CSTPP1: variants seen among roughly 807,000 people sequenced by gnomAD.
CSTPP1 encodes the protein UPF0705 protein C11orf49.
chr11:47,002,308 T>C, the CSTPP1 span, among the ~76,000 whole-genome samples: 2 of 152,202 alleles, frequency 1.3e-5, no homozygotes, highest in Admixed American at 1.3e-4. Flanking sequence ...GGCTCTTTTC[T>C]GTATTACTAG....
chr11:47,082,554 G>A, the CSTPP1 span, among the ~76,000 whole-genome samples: 3 of 152,222 alleles, frequency 2.0e-5, no homozygotes, highest in East Asian at 5.8e-4. Flanking sequence ...ACTAGATTGA[G>A]ATATAATTTA....
the CSTPP1 span, among the ~76,000 whole-genome samples, chr11:47,090,005 G>C: frequency 6.6e-6 from 1 of 152,072 alleles, no homozygotes; most frequent in Admixed American, 6.6e-5. Context: ...TGTTTGAACG[G>C]AGTTTCGCTT....
At chr11:47,161,941 G>A in the CSTPP1 span, 3 of 1,128,882 alleles carry the variant, frequency 2.7e-6, no homozygotes, top group Non-Finnish European at 3.3e-6. Flanking sequence ...CCTCTTAAGA[G>A]CAGTCTCTTC....
chr11:46,947,872 C>T, the CSTPP1 span, among the ~76,000 whole-genome samples: 1 of 152,096 alleles, frequency 6.6e-6, no homozygotes, highest in Non-Finnish European at 1.5e-5. Flanking sequence ...GTCCCATTGG[C>T]CCAAAGTAAA....
At chr11:47,159,823 G>A in the CSTPP1 span, 1 of 404,836 alleles carries the variant, frequency 2.5e-6, no homozygotes, top group Non-Finnish European at 4.9e-6. Flanking sequence ...TGGCCAACAT[G>A]GAGAAACCCC....
the CSTPP1 span, among the ~76,000 whole-genome samples, chr11:46,980,822 G>T: frequency 6.6e-6 from 1 of 152,086 alleles, no homozygotes; most frequent in African/African-American, 2.4e-5. Context: ...AAATAAACAT[G>T]AAAATGTGCT....
chr11:47,044,280 C>G, the CSTPP1 span, among the ~76,000 whole-genome samples: 1 of 152,084 alleles, frequency 6.6e-6, no homozygotes. Context: ...AGCCACCGCT[C>G]CTGGACAGTT....
chr11:46,980,073 C>A, the CSTPP1 span, among the ~76,000 whole-genome samples: 1 of 151,808 alleles, frequency 6.6e-6, no homozygotes, highest in African/African-American at 2.4e-5. Flanking sequence ...AACAAACAAA[C>A]AAACAAAAAA....
the CSTPP1 span, among the ~76,000 whole-genome samples, chr11:47,124,994 C>T: frequency 8.1e-4 from 124 of 152,260 alleles, no homozygotes; most frequent in African/African-American, 2.7e-3. Flanking sequence ...CTTTGAAAAA[C>T]AAAGCTGATG....
At chr11:46,941,692 G>A in the CSTPP1 span, among the ~76,000 whole-genome samples, 1 of 152,130 alleles carries the variant, frequency 6.6e-6, no homozygotes, top group Non-Finnish European at 1.5e-5. Flanking sequence ...CTACAGAATA[G>A]ATTAATAAAA....
At chr11:47,041,684 TG>T in the CSTPP1 span, 1 of 482,046 alleles carries the variant, frequency 2.1e-6, no homozygotes. Flanking sequence ...GCACCCTGGC[TG>T]GGGTCAATTT....
the CSTPP1 span, among the ~76,000 whole-genome samples, chr11:46,946,993 A>G: frequency 6.6e-6 from 1 of 152,234 alleles, no homozygotes; most frequent in African/African-American, 2.4e-5. Context: ...ATGTGAGAGA[A>G]ACTATGTTTT....
the CSTPP1 span, among the ~76,000 whole-genome samples, chr11:47,071,061 A>G: frequency 6.6e-6 from 1 of 151,700 alleles, no homozygotes. Flanking sequence ...GTAGATTCCC[A>G]TTTCCTCCTG....
the CSTPP1 span, among the ~76,000 whole-genome samples, chr11:47,039,516 C>G: frequency 7.9e-6 from 1 of 126,216 alleles, no homozygotes; most frequent in African/African-American, 2.5e-5. Flanking sequence ...CTGGTACTTT[C>G]TTATAGCCAC....
the CSTPP1 span, among the ~76,000 whole-genome samples, chr11:47,039,520 T>C: frequency 4.0e-5 from 5 of 126,164 alleles, 1 homozygote; most frequent in African/African-American, 1.2e-4. Flanking sequence ...TACTTTCTTA[T>C]AGCCACACGA....
chr11:47,082,589 A>G, the CSTPP1 span, among the ~76,000 whole-genome samples: 1,472 of 152,282 alleles, frequency 9.7e-3, 7 homozygotes, highest in Non-Finnish European at 0.016. Flanking sequence ...CACCTATTTA[A>G]AGTGTACAAT....
the CSTPP1 span, among the ~76,000 whole-genome samples, chr11:47,010,993 G>A: frequency 6.6e-6 from 1 of 152,128 alleles, no homozygotes; most frequent in Non-Finnish European, 1.5e-5. Flanking sequence ...CTGTTCAGTA[G>A]TTGCTTGAGT....
the CSTPP1 span, among the ~76,000 whole-genome samples, chr11:46,955,743 G>A: frequency 4.6e-5 from 7 of 151,472 alleles, no homozygotes; most frequent in Non-Finnish European, 7.4e-5. Context: ...TGCAATCCTA[G>A]TACCCTGGGA....
the CSTPP1 span, among the ~76,000 whole-genome samples, chr11:46,989,537 G>A: frequency 5.9e-3 from 904 of 152,312 alleles, 11 homozygotes; most frequent in African/African-American, 0.021. Flanking sequence ...CAGGCCTCAA[G>A]TAATCCTCTC....
Sources: allele counts gnomAD v4.1 joint callset (sites outside exome capture counted in the v4.1 genomes callset), GRCh38; gene constraint gnomAD v4.1.1; transcripts MANE v1.5; gene names NCBI Gene and HGNC (gene_info 2026-07-23, HGNC 2026-07-21).